The following ACSL1 variants were observed in gnomAD, a reference collection of about 807,000 sequenced individuals.
ACSL1 encodes acyl-CoA synthetase long chain family member 1, also known as long-chain-fatty-acid--CoA ligase 1.
A neutral mutation model predicts 98.4 loss-of-function variants in ACSL1; 41 were observed. The observed-to-expected ratio is 0.42, with a 90% CI of 0.32 to 0.54. The LOEUF (loss-of-function observed/expected upper bound fraction) is 0.54, where lower values mean the gene tolerates loss of function less well. ACSL1 is among the 20% of genes least tolerant of loss of function. The probability of loss-of-function intolerance (pLI) is 0.13; values close to 1 mark genes in which losing one functional copy is unlikely to be tolerated. For synonymous variants in ACSL1, 316 were observed against 322.7 expected, an observed-to-expected ratio of 0.98 and a Z score of 0.22; for missense variants, 734 against 883.1, an observed-to-expected ratio of 0.83 and a Z score of 2.14.
At chr4:184,796,637 T>C (rs902018776) in intron 2 of ACSL1, among the ~76,000 whole-genome samples, 16 of 152,214 alleles carry the variant, frequency 1.1e-4, no homozygotes, top group African/African-American at 3.9e-4. Context: ...TGGAAGTTAA[T>C]GCCTAAAAAC....
At position 184,780,413 on chromosome 4, in the gene ACSL1, G is replaced by A. The variant is rs1340459992; in HGVS notation, c.396C>T (p.Cys132=). Residue 132 remains cysteine, a synonymous_variant, in exon 5 of 21, where the codon TGC becomes TGT. Transcript: ENST00000281455. ...CCTTCTGGATCAGTGCTGAGCCTAT[G>A]CACTCCGACAATTCTGCAACCTAAA... ...SYKQVAELSE[C]IGSALIQKGF... 1.7e-5 allele frequency: 27 copies of A among 1,612,726 alleles called. No individual in the cohort carries two copies. The highest frequency in any genetic ancestry group is 2.0e-5 in the Non-Finnish European group (24 of 1,179,766).
At chr4:184,768,519 T>A (rs931403199) in intron 11 of ACSL1, 69 bp from the exon 12 acceptor site, 2 of 1,530,778 alleles carry the variant, frequency 1.3e-6, no homozygotes, top group African/African-American at 2.9e-5. Context: ...ATGGACAACA[T>A]CCAACATTTC....
rs1762094949 is a variant in ACSL1 at position 184,756,053 on chromosome 4, A to T, written c.*1072T>A. The T allele has an allele frequency of 6.6e-6, 1 of 152,298 alleles. No individual in the cohort carries two copies. Among genetic ancestry groups the T allele is most frequent in the Non-Finnish European group, 1.5e-5 (1 of 68,040 alleles). 9.4% of individuals were successfully genotyped at this position (152,298 alleles called of 1,614,324 possible). Reference sequence around the variant, plus strand: ...TTTCATAGAAATCAGGTAGCATTATAAGAACATTTGCTTATTACTGTCCAT... The same window carrying T: ...TTTCATAGAAATCAGGTAGCATTATTAGAACATTTGCTTATTACTGTCCAT... On this transcript the variant is annotated 3_prime_UTR_variant, in exon 21 of 21. Coordinates refer to ENST00000281455, the MANE Select transcript of ACSL1 (RefSeq NM_001995.5).
At chr4:184,784,065 C>G in intron 3 of ACSL1, 74 bp from the exon 4 acceptor site, 1 of 1,239,250 alleles carries the variant, frequency 8.1e-7, no homozygotes, top group Non-Finnish European at 1.2e-6. Flanking sequence ...GTATCCCAAC[C>G]GCACTCTAAT....
intron 1 of ACSL1, among the ~76,000 whole-genome samples, chr4:184,811,775 G>T (rs1772139939): frequency 6.6e-6 from 1 of 152,052 alleles, no homozygotes; most frequent in Non-Finnish European, 1.5e-5. Context: ...AAACCACTGT[G>T]TAACTGTATA....
intron 1 of ACSL1, among the ~76,000 whole-genome samples, chr4:184,815,489 TG>T (rs11430387): frequency 3.3e-5 from 5 of 151,510 alleles, no homozygotes; most frequent in South Asian, 2.1e-4. Flanking sequence ...GACCCAGGCC[TG>T]GGGGGGGAAA....
chr4:184,766,572 A>G lies in ACSL1; in HGVS notation c.1263+50T>C. On this transcript the variant is annotated intron_variant, in intron 13 of 20. Coordinates refer to ENST00000281455, the MANE Select transcript of ACSL1 (RefSeq NM_001995.5). The surrounding 1 kb of genome is among the most constrained non-coding windows in gnomAD (Gnocchi z 4.8). Reference sequence around the variant, plus strand: ...CAAAAAAGGCCCTCCCAGAACTCTGAAAAGCGAAGTCGGTTTCCATGGGAG... The same window carrying G: ...CAAAAAAGGCCCTCCCAGAACTCTGGAAAGCGAAGTCGGTTTCCATGGGAG... 1 of 1,588,908 alleles carries G rather than the reference A, an allele frequency of 6.3e-7. No individual in the cohort carries two copies. Among genetic ancestry groups the G allele is most frequent in the African/African-American group, 1.3e-5 (1 of 74,332 alleles).
rs369882001 is a variant in ACSL1 at position 184,776,475 on chromosome 4, G to T, written c.756+9C>A. 6.2e-7 allele frequency: 1 copy of T among 1,608,564 alleles called. No homozygotes were observed. The highest frequency in any genetic ancestry group is 8.5e-7 in the Non-Finnish European group (1 of 1,177,786). The stretch of plus-strand genomic sequence containing the variant: ...GCCTTCAGAGAAGGGAAGGAGGCAG[G>T]GCACTCACCTCCATCGCCTTCATGC... On this transcript the variant is annotated intron_variant, in intron 7 of 20. Transcript: ENST00000281455.
At chr4:184,807,455 A>T (rs559445737) in intron 1 of ACSL1, among the ~76,000 whole-genome samples, 8 of 152,282 alleles carry the variant, frequency 5.3e-5, no homozygotes, top group Non-Finnish European at 4.4e-5. Context: ...TCTTACAGAA[A>T]GTGGGTTTGC....
rs1366435549 is a variant in ACSL1, at chr4:184,762,437, T to C, written c.1608A>G (p.Leu536=). 2 of 1,614,226 alleles carry C rather than the reference T, an allele frequency of 1.2e-6. No homozygotes were observed. Among genetic ancestry groups the C allele is most frequent in the Admixed American group, 3.3e-5 (2 of 60,032 alleles). Residue 536 remains leucine, a synonymous_variant, in exon 17 of 21, where the codon TTA becomes TTG. Coordinates refer to ENST00000281455, the MANE Select transcript of ACSL1 (RefSeq NM_001995.5). The part of the protein sequence containing the change: ...TAEALDKDGW[L]HTGDIGKWLP... ...ACCATTTTCCAATGTCCCCTGTGTG[T>C]AACCAGCCGTCTTTGTCCAAAGCTT...
Position 184,764,226 on chromosome 4 carries a change from T to C in ACSL1, c.1432+627A>G, listed in dbSNP as rs150099110. 3.8e-3 allele frequency among the ~76,000 whole-genome samples: 583 copies of C among 152,314 alleles called. 3 individuals are homozygous for C. Among genetic ancestry groups the C allele is most frequent in the Admixed American group, 5.6e-3 (85 of 15,306 alleles). Reference sequence around the variant, plus strand: ...CGCGTAAATTCTCATACATCATTTATGTGTTACTTAAGCAACAATCTATAA... The same window carrying C: ...CGCGTAAATTCTCATACATCATTTACGTGTTACTTAAGCAACAATCTATAA... On this transcript the variant is annotated intron_variant, in intron 15 of 20. Transcript: ENST00000281455.
At chr4:184,778,287 G>C (rs1271488431) in intron 5 of ACSL1, among the ~76,000 whole-genome samples, 2 of 152,214 alleles carry the variant, frequency 1.3e-5, no homozygotes, top group Non-Finnish European at 2.9e-5. Flanking sequence ...GGGGGAAGGG[G>C]GCACAACCCA....
At chr4:184,807,215 G>A (rs1170501531) in intron 1 of ACSL1, among the ~76,000 whole-genome samples, 1 of 152,236 alleles carries the variant, frequency 6.6e-6, no homozygotes, top group Non-Finnish European at 1.5e-5. Flanking sequence ...TCTTATTCCA[G>A]TAGTGTTCTG....
chr4:184,785,601 G>C (rs56196028), intron 3 of ACSL1, among the ~76,000 whole-genome samples: 864 of 4,780 alleles, frequency 0.18, 172 homozygotes, highest in Non-Finnish European at 0.37. Flanking sequence ...CCTCCTGGGC[G>C]GGGGCGGGGG....
At chr4:184,820,561 G>T (rs1022061136) in intron 1 of ACSL1, among the ~76,000 whole-genome samples, 2 of 152,140 alleles carry the variant, frequency 1.3e-5, no homozygotes, top group African/African-American at 4.8e-5. Flanking sequence ...AGGAGACCCA[G>T]CTCTGTCCTT....
At chr4:184,765,816 A>G in intron 14 of ACSL1, 75 bp downstream of exon 14, 1 of 1,273,366 alleles carries the variant, frequency 7.9e-7, no homozygotes, top group Non-Finnish European at 1.1e-6. Context: ...CACACACAGT[A>G]CAGATGACTT....
chr4:184,763,102 A>T, intron 16 of ACSL1, 65 bp downstream of exon 16: 1 of 1,541,274 alleles, frequency 6.5e-7, no homozygotes, highest in Non-Finnish European at 8.9e-7. Flanking sequence ...ATACCACAGC[A>T]TTCGCAAAGG....
At chr4:184,760,694 G>C (rs1762736288) in intron 17 of ACSL1, among the ~76,000 whole-genome samples, 194 bp from the exon 18 acceptor site, 1 of 152,186 alleles carries the variant, frequency 6.6e-6, no homozygotes, top group East Asian at 1.9e-4. Flanking sequence ...ACTTGTCCAA[G>C]GCTATTTGGC....
intron 1 of ACSL1, among the ~76,000 whole-genome samples, chr4:184,811,345 T>G (rs527396432): frequency 6.6e-6 from 1 of 151,880 alleles, no homozygotes; most frequent in East Asian, 1.9e-4. Context: ...ATCTCCCGAC[T>G]TTGTGATCTG....
Sources: gnomAD v4.1 joint callset for allele counts (sites outside exome capture counted in the v4.1 genomes callset) on GRCh38, gnomAD v4.1.1 for gene constraint, Gnocchi (gnomAD v3.1) non-coding constraint, MANE v1.5 for transcripts, NCBI Gene and HGNC (gene_info 2026-07-23, HGNC 2026-07-21) for gene names.